The following ZNF248 variants were observed in gnomAD, a reference collection of about 807,000 sequenced individuals.
The protein encoded by ZNF248 is KRAB protein domain.
Under a neutral mutation model 44.3 loss-of-function variants are expected in ZNF248, and 20 were observed. That is an observed-to-expected ratio of 0.45 (90% confidence interval 0.32 to 0.66). ZNF248 has a LOEUF of 0.66. ZNF248 is among the 30% of genes least tolerant of loss of function. The probability of loss-of-function intolerance (pLI) is 0.04; values close to 1 mark genes in which losing one functional copy is unlikely to be tolerated. For missense variants in ZNF248, 654 were observed against 677.0 expected (o/e 0.97, Z 0.38); for synonymous variants, 224 against 229.0 (o/e 0.98, Z 0.20).
Position 37,856,538 on chromosome 10 carries a change from A to T in ZNF248, c.-125-6T>A. 3 of 1,203,684 alleles carry T rather than the reference A, an allele frequency of 2.5e-6. No homozygotes were observed. The highest frequency in any genetic ancestry group is 3.1e-6 in the Non-Finnish European group (3 of 969,568). 74.6% of individuals were successfully genotyped at this position (1,203,684 alleles called of 1,614,324 possible). A position where few individuals can be genotyped will look rare whatever the true frequency, so the allele number is the denominator to read the frequency against. ...ATTTATTACCAATTTAGGTTCTGTG[A>T]CACAGAAAAATTAAAAACATGAAAA... is the stretch of plus-strand genomic sequence containing the variant. On this transcript the variant is annotated splice_region_variant and splice_polypyrimidine_tract_variant and intron_variant, in intron 1 of 5. Coordinates refer to ENST00000395867, the MANE Select transcript of ZNF248 (RefSeq NM_021045.3).
At chr10:37,856,736 T>C (rs2061364099) in intron 1 of ZNF248, 1 of 987,832 alleles carries the variant, frequency 1.0e-6, no homozygotes, top group Non-Finnish European at 1.2e-6. Flanking sequence ...AGGGATAGGA[T>C]GTTAAATGCA....
At chr10:37,827,185 G>T (rs1271303089), downstream of ZNF248, among the ~76,000 whole-genome samples, 2 of 152,162 alleles carry the variant, frequency 1.3e-5, no homozygotes, top group African/African-American at 4.8e-5. Context: ...TGTTATCAGA[G>T]ATCCACAAGA....
chr10:37,825,919 A>G (rs2054314449), downstream of ZNF248, among the ~76,000 whole-genome samples: 3 of 150,900 alleles, frequency 2.0e-5, no homozygotes, highest in Admixed American at 6.6e-5. Flanking sequence ...AGGGGGGGAG[A>G]GAGAGAGAAA....
At chr10:37,837,944 T>C in intron 4 of ZNF248, 41 bp downstream of exon 4, 1 of 1,599,450 alleles carries the variant, frequency 6.3e-7, no homozygotes, top group Middle Eastern at 1.7e-4. Context: ...AACTAGTAAA[T>C]GCATGCTATT....
intron 6 of ZNF248, among the ~76,000 whole-genome samples, chr10:37,786,031 T>A (rs905609026): frequency 6.6e-5 from 10 of 152,132 alleles, no homozygotes; most frequent in Non-Finnish European, 2.9e-5. Context: ...CTAGGTCCCA[T>A]GAGTGTTCAC....
intron 6 of ZNF248, among the ~76,000 whole-genome samples, chr10:37,780,674 C>T (rs906963821): frequency 7.2e-5 from 11 of 152,176 alleles, no homozygotes; most frequent in African/African-American, 2.7e-4. Context: ...CCTTCCAGGG[C>T]CAAGGCGCGC....
rs571995225 is a variant in ZNF248, at chr10:37,794,475, T to G, written c.331-17900A>C. 1.6e-4 allele frequency: 26 copies of G among 162,186 alleles called. No homozygotes were observed. In the South Asian group the frequency reaches 4.9e-3, roughly 30 times the overall value. The allele number at this position is 162,186 out of a possible 1,614,324, so 10.0% of individuals were successfully genotyped here. On this transcript the variant is annotated intron_variant, in intron 6 of 6. Coordinates refer to the ZNF248 transcript ENST00000615949. Reference sequence around the variant, plus strand: ...TGTGAGATTTAAATTGCTACTGGTTTTCTCAGTCGGTACATTCATAGGGTT... The same window carrying G: ...TGTGAGATTTAAATTGCTACTGGTTGTCTCAGTCGGTACATTCATAGGGTT...
chr10:37,843,768 T>G lies in ZNF248; in HGVS notation c.16-5657A>C, dbSNP rs569294999. On this transcript the variant is annotated intron_variant, in intron 3 of 5. Coordinates refer to ENST00000395867, the MANE Select transcript of ZNF248 (RefSeq NM_021045.3). The stretch of plus-strand genomic sequence containing the variant: ...AGCTGAAAAGTAAAATGACCGAAAT[T>G]TAAAAATCCACTAGAGGTTTTAACA... 2.0e-4 allele frequency among the ~76,000 whole-genome samples: 30 copies of G among 152,052 alleles called. No individual in the cohort carries two copies. The South Asian group carries it at 4.1e-3, about 21-fold the overall frequency.
At chr10:37,833,893 G>A (rs759344847) in intron 5 of ZNF248, among the ~76,000 whole-genome samples, 8 of 152,018 alleles carry the variant, frequency 5.3e-5, no homozygotes, top group African/African-American at 9.7e-5. Context: ...TTTTAAAAAG[G>A]AAATAGAGTG....
At chr10:37,790,919 T>A (rs2048447685) in intron 6 of ZNF248, among the ~76,000 whole-genome samples, 2 of 133,624 alleles carry the variant, frequency 1.5e-5, no homozygotes, top group Non-Finnish European at 3.2e-5. Flanking sequence ...GACCCCATTA[T>A]CTTAAAAAAA....
the ZNF248 span, among the ~76,000 whole-genome samples, chr10:37,758,623 T>C: frequency 6.6e-6 from 1 of 152,222 alleles, no homozygotes; most frequent in African/African-American, 2.4e-5. Context: ...CTTATTCTAT[T>C]TTCTCCCCTA....
chr10:37,798,961 T>C (rs934668846), intron 6 of ZNF248, among the ~76,000 whole-genome samples: 21 of 152,110 alleles, frequency 1.4e-4, no homozygotes, highest in Admixed American at 1.2e-3. Flanking sequence ...TATCTAGTAA[T>C]AGCTGGCCCT....
intron 6 of ZNF248, among the ~76,000 whole-genome samples, chr10:37,798,440 T>TA (rs970081507): frequency 3.6e-4 from 54 of 152,064 alleles, no homozygotes; most frequent in African/African-American, 1.2e-3. Flanking sequence ...TTCATCTCAA[T>TA]AAAAAAATGT....
intron 3 of ZNF248, among the ~76,000 whole-genome samples, chr10:37,850,308 C>T (rs2060016008): frequency 6.6e-6 from 1 of 152,088 alleles, no homozygotes; most frequent in Admixed American, 6.6e-5. Flanking sequence ...ATAAAAAATG[C>T]TAACTTCAGG....
chr10:37,778,797 A>G (rs2132837039), intron 6 of ZNF248, among the ~76,000 whole-genome samples: 1 of 152,338 alleles, frequency 6.6e-6, no homozygotes, highest in Non-Finnish European at 1.5e-5. Context: ...AGAGAGAAGA[A>G]TCAAATAGAA....
chr10:37,765,580 C>A, the ZNF248 span, among the ~76,000 whole-genome samples: 4 of 152,304 alleles, frequency 2.6e-5, no homozygotes, highest in South Asian at 8.3e-4. Flanking sequence ...GCATAAAATA[C>A]AAACTTCACT....
At chr10:37,804,103 T>TC (rs1554818632) in intron 6 of ZNF248, among the ~76,000 whole-genome samples, 10 of 98,776 alleles carry the variant, frequency 1.0e-4, no homozygotes, top group Admixed American at 6.7e-4. Flanking sequence ...TTCTTTTTCT[T>TC]TTTTTTTTTT....
chr10:37,775,100 G>A (rs1239481484), downstream of ZNF248, among the ~76,000 whole-genome samples: 2 of 152,118 alleles, frequency 1.3e-5, no homozygotes, highest in Non-Finnish European at 2.9e-5. Flanking sequence ...TCAAAACAAA[G>A]CACTGTCCTT....
chr10:37,806,150 A>C (rs2050526152), intron 6 of ZNF248, among the ~76,000 whole-genome samples: 1 of 152,194 alleles, frequency 6.6e-6, no homozygotes, highest in Non-Finnish European at 1.5e-5. Context: ...GGCTTTTGTG[A>C]ATAATGCTGC....
Sources: allele counts gnomAD v4.1 joint callset (sites outside exome capture counted in the v4.1 genomes callset), GRCh38; gene constraint gnomAD v4.1.1; transcripts MANE v1.5; gene names NCBI Gene and HGNC (gene_info 2026-07-23, HGNC 2026-07-21).